The following PTMA variants were observed in gnomAD, a reference collection of about 807,000 sequenced individuals.
The protein encoded by PTMA is prothymosin alpha.
Under a neutral mutation model 16.9 loss-of-function variants are expected in PTMA, and 4 were observed. That is an observed-to-expected ratio of 0.24 (90% CI 0.12 to 0.54). The LOEUF (loss-of-function observed/expected upper bound fraction) is 0.54. PTMA is among the 20% of genes least tolerant of loss of function. The pLI, the probability that PTMA is intolerant of heterozygous loss-of-function variation, is 0.95. For missense variants in PTMA, 120 were observed against 137.7 expected, an observed-to-expected ratio of 0.87 and a Z score of 0.64; for synonymous variants, 58 against 47.9, an observed-to-expected ratio of 1.21 and a Z score of -0.87.
chr2:231,708,566 T>A lies in PTMA; in HGVS notation c.-141T>A. On this transcript the variant is annotated 5_prime_UTR_variant, in exon 1 of 5. Transcript: ENST00000409115. Reference sequence around the variant, plus strand: ...TGAAAAGCCATCTTTGCATTGTTCCTCATCCGCCTCCTTGCTCGCCGCAGC... The same window carrying A: ...TGAAAAGCCATCTTTGCATTGTTCCACATCCGCCTCCTTGCTCGCCGCAGC... 1.0e-6 allele frequency: 1 copy of A among 959,098 alleles called. No homozygotes were observed. The highest frequency in any genetic ancestry group is 1.6e-6 in the Non-Finnish European group (1 of 614,256). 59.4% of individuals were successfully genotyped at this position (959,098 alleles called of 1,614,324 possible).
intron 2 of PTMA, chr2:231,711,628 A>C (rs1383170563): frequency 2.7e-6 from 2 of 733,946 alleles, no homozygotes; most frequent in Admixed American, 5.8e-5. Flanking sequence ...CTGAACAAGA[A>C]TAGGTTCAGA....
chr2:231,711,785 G>A (rs1425449211), intron 2 of PTMA, 105 bp from the exon 3 acceptor site: 2 of 1,548,088 alleles, frequency 1.3e-6, no homozygotes, highest in Non-Finnish European at 1.7e-6. Context: ...TGGCTGGGCT[G>A]TAGATGCAGC....
intron 4 of PTMA, 103 bp from the exon 5 acceptor site, chr2:231,712,701 A>C: frequency 7.0e-7 from 1 of 1,432,028 alleles, no homozygotes; most frequent in Non-Finnish European, 9.6e-7. Flanking sequence ...TGGGCTGTGG[A>C]GCTGGGGGTC....
At chr2:231,710,829 C>T (rs1458011260) in intron 1 of PTMA, among the ~76,000 whole-genome samples, 9 of 152,230 alleles carry the variant, frequency 5.9e-5, no homozygotes, top group Admixed American at 2.0e-4. Flanking sequence ...TTTTTAGATA[C>T]CTGTCCTGGC....
chr2:231,712,067 C>T lies in PTMA; in HGVS notation c.211+84C>T, dbSNP rs2048524920. 18 of 1,543,912 alleles carry T rather than the reference C, an allele frequency of 1.2e-5. No homozygotes were observed. In the East Asian group the frequency reaches 2.2e-4, roughly 19 times the overall value. ...GAAGGGGAAGGAAGGAATTGGGGCT[C>T]CTGGGAGTGGGACAATGGTACTTGG... is the stretch of plus-strand genomic sequence containing the variant. On this transcript the variant is annotated intron_variant, in intron 3 of 4. Transcript: ENST00000409115.
chr2:231,712,703 C>CT, intron 4 of PTMA, 101 bp from the exon 5 acceptor site: 1 of 1,433,982 alleles, frequency 7.0e-7, no homozygotes, highest in Non-Finnish European at 9.5e-7. Context: ...GGCTGTGGAG[C>CT]TGGGGGTCCC....
intron 1 of PTMA, among the ~76,000 whole-genome samples, chr2:231,709,435 C>G (rs1040557809): frequency 4.6e-5 from 7 of 152,182 alleles, no homozygotes; most frequent in Admixed American, 4.6e-4. Flanking sequence ...CAGCTTCAGT[C>G]ATGCACCCGC....
chr2:231,710,724 C>T (rs962737270), intron 1 of PTMA: 24 of 352,970 alleles, frequency 6.8e-5, no homozygotes, highest in Non-Finnish European at 1.2e-4. Flanking sequence ...GAGTTGGTGG[C>T]TCCGGCGGCA....
Position 231,713,043 on chromosome 2 carries a change from G to A in PTMA, c.*192G>A. 3.4e-6 allele frequency: 2 copies of A among 594,450 alleles called. No individual in the cohort carries two copies. The highest frequency in any genetic ancestry group is 3.4e-5 in the Admixed American group (1 of 29,688). 36.8% of individuals were successfully genotyped at this position (594,450 alleles called of 1,614,324 possible). On this transcript the variant is annotated 3_prime_UTR_variant, in exon 5 of 5. Transcript: ENST00000409115. ...CCCAAACCATGAGAATTTGCAACAG[G>A]GGAGGAAAAAAGAACCAAAACTTCC...
At chr2:231,711,620 G>T (rs2048519796) in intron 2 of PTMA, 1 of 739,604 alleles carries the variant, frequency 1.4e-6, no homozygotes, top group African/African-American at 1.8e-5. Context: ...AGCAGCGCCT[G>T]AACAAGAATA....
Position 231,710,021 on chromosome 2 carries a change from C to T in PTMA, c.45+1270C>T, listed in dbSNP as rs565215892. 22 of 1,177,256 alleles carry T rather than the reference C, an allele frequency of 1.9e-5. No individual in the cohort carries two copies. In the South Asian group the frequency reaches 8.8e-4, roughly 47 times the overall value. The allele number at this position is 1,177,256 out of a possible 1,614,324, so 72.9% of individuals were successfully genotyped here. On this transcript the variant is annotated intron_variant, in intron 1 of 4. Transcript: ENST00000409115. ...GTTTGTGGGGTGAGAACACCGTCCC[C>T]AGTGCGGGGCCTGGCTGTTCGATTT... is the stretch of plus-strand genomic sequence containing the variant.
At chr2:231,710,800 G>C (rs2048508556) in intron 1 of PTMA, 1 of 317,480 alleles carries the variant, frequency 3.1e-6, no homozygotes, top group Admixed American at 4.9e-5. Flanking sequence ...CGGATTTGGG[G>C]GGTCGGTGTG....
At chr2:231,710,477 C>A in intron 1 of PTMA, 1 of 1,069,514 alleles carries the variant, frequency 9.4e-7, no homozygotes, top group Non-Finnish European at 1.2e-6. Flanking sequence ...GAGCCGGGGT[C>A]CGCGGAGCGG....
At chr2:231,710,119 C>G (rs961235347) in intron 1 of PTMA, 4 of 1,244,888 alleles carry the variant, frequency 3.2e-6, no homozygotes, top group Non-Finnish European at 3.0e-6. Flanking sequence ...CCCCGACAGT[C>G]TCGGACCTAC....
rs755974907 is a variant in PTMA at position 231,711,359 on chromosome 2, G to T, written c.57G>T (p.Glu19Asp). 3.3e-5 allele frequency: 53 copies of T among 1,613,932 alleles called. No individual in the cohort carries two copies. The Admixed American group carries it at 7.7e-4, about 23-fold the overall frequency. ...CTTCCCTTTTGAAGGACTTAAAGGA[G>T]AAGAAGGAAGTTGTGGAAGAGGCAG... ...SSEITTKDLK[E>D]KKEVVEEAEN... is the part of the protein sequence containing the mutation. Residue 19 changes from glutamate (E) to aspartate (D), a missense_variant, in exon 2 of 5, where the codon GAG (glutamate) becomes GAT (aspartate). By Grantham distance (45) the Glu-to-Asp change is conservative. Coordinates refer to ENST00000409115, the MANE Select transcript of PTMA (RefSeq NM_002823.5).
chr2:231,711,721 T>A (rs2070936), intron 2 of PTMA, 169 bp from the exon 3 acceptor site: 8 of 1,269,908 alleles, frequency 6.3e-6, no homozygotes, highest in Non-Finnish European at 8.5e-6. Flanking sequence ...GCAGGTTTCA[T>A]GATGGAGCCT....
Position 231,711,874 on chromosome 2 carries a change from G to A in PTMA, c.118-16G>A. The A allele has an allele frequency of 6.2e-7, 1 of 1,612,358 alleles. No homozygotes were observed. ...GGGCCAGCTGGTAATGACATGGCCT[G>A]TTTTCTGTCGAGGAGAATGAGGAAA... On this transcript the variant is annotated splice_polypyrimidine_tract_variant and intron_variant, in intron 2 of 4. Coordinates refer to ENST00000409115, the MANE Select transcript of PTMA (RefSeq NM_002823.5).
At chr2:231,711,722 G>C in intron 2 of PTMA, 168 bp from the exon 3 acceptor site, 10 of 1,283,848 alleles carry the variant, frequency 7.8e-6, no homozygotes, top group Non-Finnish European at 1.1e-5. Flanking sequence ...CAGGTTTCAT[G>C]ATGGAGCCTG....
intron 2 of PTMA, 167 bp from the exon 3 acceptor site, chr2:231,711,723 A>T: frequency 7.8e-7 from 1 of 1,290,050 alleles, no homozygotes; most frequent in East Asian, 2.5e-5. Flanking sequence ...AGGTTTCATG[A>T]TGGAGCCTGG....
Sources: allele counts gnomAD v4.1 joint callset (sites outside exome capture counted in the v4.1 genomes callset), GRCh38; gene constraint gnomAD v4.1.1; transcripts MANE v1.5; gene names NCBI Gene and HGNC (gene_info 2026-07-23, HGNC 2026-07-21).